The following TNNI3K variants were observed in gnomAD, a reference collection of about 807,000 sequenced individuals.
TNNI3K encodes serine/threonine-protein kinase TNNI3K.
A neutral mutation model predicts 114.5 loss-of-function variants in TNNI3K; 140 were observed. The observed-to-expected ratio is 1.22, with a 90% CI of 1.07 to 1.41. The LOEUF is 1.41. Ranked by LOEUF, TNNI3K falls within the 40% of genes most tolerant of loss-of-function variation. The pLI, the probability that TNNI3K is intolerant of heterozygous loss-of-function variation, is 0.00. For synonymous variants in TNNI3K, 347 were observed against 347.5 expected (o/e 1.00, Z 0.02); for missense variants, 1,125 against 1,007.6 (o/e 1.12, Z -1.58).
intron 21 of TNNI3K, among the ~76,000 whole-genome samples, chr1:74,476,756 A>G (rs1668227210): frequency 6.6e-6 from 1 of 152,182 alleles, no homozygotes; most frequent in Non-Finnish European, 1.5e-5. Flanking sequence ...TCTGGAAATA[A>G]AGACAGCATT....
intron 2 of TNNI3K, among the ~76,000 whole-genome samples, chr1:74,248,073 T>C (rs888400367): frequency 1.3e-5 from 2 of 152,068 alleles, no homozygotes; most frequent in African/African-American, 4.8e-5. Context: ...AGCTGAGGCC[T>C]GGCAAGAATT....
chr1:74,241,633 T>G (rs1200524030), intron 2 of TNNI3K, among the ~76,000 whole-genome samples: 7 of 152,198 alleles, frequency 4.6e-5, no homozygotes, highest in Non-Finnish European at 1.0e-4. Flanking sequence ...GGTTGTTTTT[T>G]TCTTGTAAAT....
intron 17 of TNNI3K, among the ~76,000 whole-genome samples, chr1:74,387,571 A>G (rs1440335984): frequency 1.3e-5 from 2 of 152,228 alleles, no homozygotes; most frequent in African/African-American, 4.8e-5. Context: ...ATCATTTCTT[A>G]TAAAGGAATT....
intron 5 of TNNI3K, among the ~76,000 whole-genome samples, chr1:74,307,875 A>G (rs574671614): frequency 2.6e-5 from 4 of 152,136 alleles, no homozygotes; most frequent in Non-Finnish European, 5.9e-5. Context: ...AGGCCGGAGA[A>G]TCACTTGAAC....
At chr1:74,282,564 G>C (rs189780087) in intron 5 of TNNI3K, among the ~76,000 whole-genome samples, 1 of 152,034 alleles carries the variant, frequency 6.6e-6, no homozygotes, top group South Asian at 2.1e-4. Flanking sequence ...CTTCTTCAAA[G>C]GCTCTATTTG....
At chr1:74,511,083 T>C (rs1274908795) in intron 23 of TNNI3K, among the ~76,000 whole-genome samples, 3 of 152,182 alleles carry the variant, frequency 2.0e-5, no homozygotes. Flanking sequence ...AAACAGAGTT[T>C]CACCATGTTG....
intron 21 of TNNI3K, among the ~76,000 whole-genome samples, chr1:74,488,048 G>T (rs760926356): frequency 1.3e-5 from 2 of 152,182 alleles, no homozygotes; most frequent in African/African-American, 2.4e-5. Context: ...CAGAGGTCAG[G>T]CTATTTTAAT....
chr1:74,528,950 G>T (rs1239905458), intron 23 of TNNI3K, among the ~76,000 whole-genome samples: 3 of 152,142 alleles, frequency 2.0e-5, no homozygotes, highest in South Asian at 4.1e-4. Flanking sequence ...AAAGGAGAAA[G>T]ATACAAAGAA....
At chr1:74,381,201 A>G (rs988943576) in intron 17 of TNNI3K, among the ~76,000 whole-genome samples, 1 of 152,160 alleles carries the variant, frequency 6.6e-6, no homozygotes, top group Non-Finnish European at 1.5e-5. Flanking sequence ...CTATTGGAAG[A>G]CCACAGGAGA....
At chr1:74,490,159 C>T (rs1278779751) in intron 22 of TNNI3K, among the ~76,000 whole-genome samples, 3 of 150,494 alleles carry the variant, frequency 2.0e-5, no homozygotes, top group African/African-American at 7.3e-5. Flanking sequence ...TCTCATGACT[C>T]TTTGCTGGAA....
In TNNI3K at chr1:74,368,082, A is replaced by T. The variant is rs115595580; in HGVS notation, c.1321+118A>T. ...TGATGACTATTTTACAAGCACAACA[A>T]ATATTATTGACAGACCGTTCTTTTC... On this transcript the variant is annotated intron_variant, in intron 13 of 24. Transcript: ENST00000326637. 3.0e-5 allele frequency: 29 copies of T among 971,338 alleles called. No homozygotes were observed. The African/African-American group carries it at 4.5e-4, about 15-fold the overall frequency. The allele number at this position is 971,338 out of a possible 1,614,324, so 60.2% of individuals were successfully genotyped here. A position where few individuals can be genotyped will look rare whatever the true frequency, so the allele number is the denominator to read the frequency against.
intron 19 of TNNI3K, 70 bp downstream of exon 19, chr1:74,436,596 TA>T: frequency 6.7e-7 from 1 of 1,492,950 alleles, no homozygotes. Context: ...TGAGAGGACG[TA>T]AGATGAGAGC....
chr1:74,356,413 T>C (rs1661659514), intron 11 of TNNI3K, among the ~76,000 whole-genome samples: 1 of 152,202 alleles, frequency 6.6e-6, no homozygotes, highest in Non-Finnish European at 1.5e-5. Context: ...CTACTTTGTA[T>C]TAAAAAATCT....
At chr1:74,346,034 G>A (rs981525809) in intron 9 of TNNI3K, 3 of 152,116 alleles carry the variant, frequency 2.0e-5, no homozygotes, top group East Asian at 3.8e-4. Flanking sequence ...GATAATGAAA[G>A]GTCCTCTACA....
chr1:74,289,021 A>G (rs1657499614), intron 5 of TNNI3K, among the ~76,000 whole-genome samples: 1 of 151,532 alleles, frequency 6.6e-6, no homozygotes, highest in Non-Finnish European at 1.5e-5. Context: ...AGCAACAAGT[A>G]AAAGGATTAC....
At chr1:74,325,252 G>A (rs1659834727) in intron 5 of TNNI3K, among the ~76,000 whole-genome samples, 1 of 152,114 alleles carries the variant, frequency 6.6e-6, no homozygotes, top group African/African-American at 2.4e-5. Context: ...CAAGCAGCTT[G>A]CACTTTGGCC....
At chr1:74,451,298 C>T (rs923610001) in intron 20 of TNNI3K, among the ~76,000 whole-genome samples, 4 of 152,054 alleles carry the variant, frequency 2.6e-5, no homozygotes, top group African/African-American at 9.7e-5. Flanking sequence ...GCATACTGTG[C>T]TTAATACCTA....
At chr1:74,511,626 A>G (rs1022397359) in intron 23 of TNNI3K, among the ~76,000 whole-genome samples, 1 of 152,090 alleles carries the variant, frequency 6.6e-6, no homozygotes, top group Admixed American at 6.5e-5. Flanking sequence ...TGGACACCCA[A>G]TGATGGATTA....
intron 17 of TNNI3K, among the ~76,000 whole-genome samples, chr1:74,397,329 GAGAA>G (rs1428156401): frequency 6.6e-6 from 1 of 152,062 alleles, no homozygotes; most frequent in Non-Finnish European, 1.5e-5. Context: ...GAGGAAGAAA[GAGAA>G]AGAGAGAGAA....
Sources: allele counts gnomAD v4.1 joint callset (sites outside exome capture counted in the v4.1 genomes callset), GRCh38; gene constraint gnomAD v4.1.1; transcripts MANE v1.5; gene names NCBI Gene and HGNC (gene_info 2026-07-23, HGNC 2026-07-21).